The following FGGY variants were observed in gnomAD, a reference collection of about 807,000 sequenced individuals.
FGGY encodes FGGY carbohydrate kinase domain-containing protein.
FGGY carries 72 observed loss-of-function variants against 71.3 expected under a neutral mutation model. The observed-to-expected ratio is 1.01, with a 90% confidence interval of 0.84 to 1.23. The LOEUF (loss-of-function observed/expected upper bound fraction) is 1.23. Ranked by LOEUF, FGGY falls within the 50% of genes most tolerant of loss-of-function variation. The probability of loss-of-function intolerance (pLI) is 0.00; values close to 1 mark genes in which losing one functional copy is unlikely to be tolerated. For synonymous variants in FGGY, 251 were observed against 250.3 expected (o/e 1.00, Z -0.02); for missense variants, 668 against 682.3 (o/e 0.98, Z 0.23).
intron 5 of FGGY, among the ~76,000 whole-genome samples, chr1:59,405,066 G>T (rs1037126533): frequency 3.3e-5 from 5 of 152,146 alleles, no homozygotes; most frequent in African/African-American, 9.7e-5. Flanking sequence ...TAAGCAAAAG[G>T]ATATAATTCA....
At chr1:59,590,831 C>T (rs1310755240) in intron 8 of FGGY, among the ~76,000 whole-genome samples, 1 of 152,114 alleles carries the variant, frequency 6.6e-6, no homozygotes, top group Non-Finnish European at 1.5e-5. Flanking sequence ...CAGCCAATAT[C>T]ATACTGAATG....
At chr1:59,676,131 C>A (rs2097432943) in intron 14 of FGGY, among the ~76,000 whole-genome samples, 1 of 152,026 alleles carries the variant, frequency 6.6e-6, no homozygotes, top group South Asian at 2.1e-4. Flanking sequence ...CAGTCTATGG[C>A]ATTTTGTTAT....
intron 1 of FGGY, among the ~76,000 whole-genome samples, chr1:59,301,565 T>G (rs2042735101): frequency 6.6e-6 from 1 of 152,200 alleles, no homozygotes; most frequent in Non-Finnish European, 1.5e-5. Flanking sequence ...GTATGATGCA[T>G]GATGCTAGTT....
chr1:59,584,276 T>C (rs2153757741), intron 8 of FGGY, among the ~76,000 whole-genome samples: 1 of 149,754 alleles, frequency 6.7e-6, no homozygotes. Context: ...CTCAATAAAA[T>C]ACTGGCAAAC....
rs1353394563 is a variant in FGGY at position 59,563,432 on chromosome 1, C to T, written c.903+9205C>T. Among the ~76,000 whole-genome samples, 7 of 152,244 alleles carry T rather than the reference C, an allele frequency of 4.6e-5. No homozygotes were observed. The East Asian group carries it at 1.4e-3, about 29-fold the overall frequency. On this transcript the variant is annotated intron_variant, in intron 8 of 15. Coordinates refer to ENST00000303721, the MANE Select transcript of FGGY (RefSeq NM_018291.5). ...GAGAGTCAAATCATGAGTGAACTCC[C>T]ATTCACAATTGCTACAAAGAGAATA...
At chr1:59,518,506 C>T (rs1426608714) in intron 7 of FGGY, among the ~76,000 whole-genome samples, 1 of 152,228 alleles carries the variant, frequency 6.6e-6, no homozygotes, top group East Asian at 1.9e-4. Context: ...ACCCAAATCT[C>T]ATGCAAATTG....
At chr1:59,480,526 G>T (rs1466309846) in intron 6 of FGGY, among the ~76,000 whole-genome samples, 1 of 152,146 alleles carries the variant, frequency 6.6e-6, no homozygotes, top group African/African-American at 2.4e-5. Flanking sequence ...ACTACTACCT[G>T]CAAGGGAAGC....
intron 1 of FGGY, among the ~76,000 whole-genome samples, chr1:59,305,646 TTAAATGCTTGG>T (rs1372655347): frequency 6.6e-6 from 1 of 152,254 alleles, no homozygotes; most frequent in Non-Finnish European, 1.5e-5. Context: ...TATTAATTGT[TTAAATGCTTGG>T]TAGAATTTAT....
In FGGY at chr1:59,527,710, G is replaced by T. The variant is rs138664782; in HGVS notation, c.799+15271G>T. 2.4e-4 allele frequency among the ~76,000 whole-genome samples: 36 copies of T among 152,268 alleles called. 1 individual carries two copies. The highest frequency in any genetic ancestry group is 7.7e-4 in the African/African-American group (32 of 41,556). On this transcript the variant is annotated intron_variant, in intron 7 of 15. Transcript: ENST00000303721. Reference sequence around the variant, plus strand: ...AAATTACCCCACATAACTTGCCTCTGTTCCTGTTTTAGTTAGAAATTACTG... The same window carrying T: ...AAATTACCCCACATAACTTGCCTCTTTTCCTGTTTTAGTTAGAAATTACTG...
chr1:59,532,682 AG>A (rs2095180992), intron 7 of FGGY, among the ~76,000 whole-genome samples: 2 of 152,318 alleles, frequency 1.3e-5, no homozygotes, highest in South Asian at 2.1e-4. Context: ...ATATCAACAA[AG>A]AAAAAAACAT....
intron 5 of FGGY, among the ~76,000 whole-genome samples, chr1:59,395,219 G>T (rs2061182063): frequency 6.6e-6 from 1 of 151,914 alleles, no homozygotes; most frequent in Non-Finnish European, 1.5e-5. Context: ...TATAACCCCG[G>T]TACAGAGTGC....
intron 2 of FGGY, among the ~76,000 whole-genome samples, chr1:59,324,692 C>T (rs528450260): frequency 5.4e-4 from 82 of 152,284 alleles, no homozygotes; most frequent in Non-Finnish European, 9.3e-4. Context: ...AAGAAGGGGA[C>T]GCTGTCCCTG....
intron 3 of FGGY, 146 bp from the exon 4 acceptor site, chr1:59,346,101 G>T: frequency 9.9e-7 from 1 of 1,010,298 alleles, no homozygotes; most frequent in South Asian, 1.7e-5. Context: ...CCTCAGCCTT[G>T]CTGGTGTCCT....
chr1:59,507,684 ATTTTTT>A lies in FGGY; in HGVS notation c.671-4609_671-4604del, dbSNP rs561953004. ...AGGCAACTGCAACCATGCTTGGCTA[ATTTTTT>A]TTTTTTTTTTTTTTTTTGTATTTTT... On this transcript the variant is annotated intron_variant, in intron 6 of 15. Coordinates refer to ENST00000303721, the MANE Select transcript of FGGY (RefSeq NM_018291.5). Among the ~76,000 whole-genome samples, 444 of 106,910 alleles carry A rather than the reference ATTTTTT, an allele frequency of 4.2e-3. 1 individual carries two copies. The highest frequency in any genetic ancestry group is 0.011 in the African/African-American group (281 of 24,604). The allele number at this position is 106,910 out of a possible 152,430, so 70.1% of individuals were successfully genotyped here.
At chr1:59,653,966 G>A (rs1282957987) in intron 11 of FGGY, among the ~76,000 whole-genome samples, 1 of 152,148 alleles carries the variant, frequency 6.6e-6, no homozygotes, top group Non-Finnish European at 1.5e-5. Context: ...AGAGAATCCA[G>A]GATAATCTCC....
At chr1:59,653,122 A>C (rs1202522820) in intron 11 of FGGY, among the ~76,000 whole-genome samples, 2 of 152,196 alleles carry the variant, frequency 1.3e-5, no homozygotes, top group Non-Finnish European at 2.9e-5. Context: ...TCAGATCTCC[A>C]GCTGCGTGCT....
chr1:59,361,403 G>T (rs905856714), intron 4 of FGGY, among the ~76,000 whole-genome samples: 1 of 152,110 alleles, frequency 6.6e-6, no homozygotes, highest in African/African-American at 2.4e-5. Context: ...AGGGGCTCGG[G>T]GAGGTAATAT....
chr1:59,420,450 A>G (rs1023064450), intron 5 of FGGY, among the ~76,000 whole-genome samples: 2 of 152,206 alleles, frequency 1.3e-5, no homozygotes, highest in Non-Finnish European at 1.5e-5. Flanking sequence ...CTTGCCAGCA[A>G]TACCCCAAAG....
chr1:59,563,737 A>G (rs937735779), intron 8 of FGGY, among the ~76,000 whole-genome samples: 2 of 152,218 alleles, frequency 1.3e-5, no homozygotes, highest in Admixed American at 1.3e-4. Flanking sequence ...AGCCAAGACA[A>G]TCCTAAGCCA....
Sources: allele counts gnomAD v4.1 joint callset (sites outside exome capture counted in the v4.1 genomes callset), GRCh38; gene constraint gnomAD v4.1.1; transcripts MANE v1.5; gene names NCBI Gene and HGNC (gene_info 2026-07-23, HGNC 2026-07-21).